Variants in TENM2 observed in about 807,000 individuals in gnomAD.
The protein encoded by TENM2 is teneurin-2.
In TENM2, 52 loss-of-function variants were observed where a neutral mutation model predicts 245.2. The observed-to-expected ratio is 0.21, with a 90% confidence interval of 0.17 to 0.27. TENM2 has a LOEUF of 0.27. Ranked by LOEUF, TENM2 falls within the 10% of genes least tolerant of loss-of-function variation. The pLI, the probability that TENM2 is intolerant of heterozygous loss-of-function variation, is 1.00. For missense variants in TENM2, 3,046 were observed against 3,666.8 expected, an observed-to-expected ratio of 0.83 and a Z score of 4.37; for synonymous variants, 1,363 against 1,438.9, an observed-to-expected ratio of 0.95 and a Z score of 1.19.
Position 167,888,268 on chromosome 5 carries a change from G to A in TENM2, c.712+12073G>A, listed in dbSNP as rs151114998. Among the ~76,000 whole-genome samples, 43 of 152,220 alleles carry A rather than the reference G, an allele frequency of 2.8e-4. 1 individual carries two copies. In the East Asian group the frequency reaches 8.3e-3, roughly 29 times the overall value. ...CTCTATTATTGAACCCACCATGCTCGTTGACTGCATTCACCATTAGATTTA... is the reference window on the plus strand; with the variant it reads ...CTCTATTATTGAACCCACCATGCTCATTGACTGCATTCACCATTAGATTTA... On this transcript the variant is annotated intron_variant, in intron 3 of 28. Transcript: ENST00000518659.
chr5:167,614,693 C>T lies in TENM2; in HGVS notation c.502+239220C>T, dbSNP rs74912115. ...TCTGGTTGCATGAGGAAGAGAGAAG[C>T]ACATCAAAATGAGCAAGAATGTGTG... On this transcript the variant is annotated intron_variant, in intron 2 of 28. Transcript: ENST00000518659. Among the ~76,000 whole-genome samples, 1,340 of 152,124 alleles carry T rather than the reference C, an allele frequency of 8.8e-3. 18 individuals carry two copies. The highest frequency in any genetic ancestry group is 0.03 in the African/African-American group (1,254 of 41,510).
At chr5:167,728,487 A>G (rs943130613) in intron 2 of TENM2, among the ~76,000 whole-genome samples, 2 of 128,196 alleles carry the variant, frequency 1.6e-5, no homozygotes, top group East Asian at 3.2e-4. Context: ...GTGCGTGCCT[A>G]TGGTCCCAAC....
chr5:167,032,730 C>T, the TENM2 span, among the ~76,000 whole-genome samples: 3 of 152,164 alleles, frequency 2.0e-5, no homozygotes, highest in African/African-American at 4.8e-5. Flanking sequence ...CAGCAAGTTC[C>T]AACTACATTG....
intron 2 of TENM2, among the ~76,000 whole-genome samples, chr5:167,539,352 T>C (rs1772049443): frequency 6.6e-6 from 1 of 152,186 alleles, no homozygotes; most frequent in South Asian, 2.1e-4. Flanking sequence ...TAAGATGGCA[T>C]ATGGAGGTTT....
chr5:168,243,848 C>G (rs1002165471), intron 25 of TENM2, among the ~76,000 whole-genome samples: 3 of 152,160 alleles, frequency 2.0e-5, no homozygotes, highest in African/African-American at 7.2e-5. Flanking sequence ...CAGCCATGCC[C>G]AGGTCAATCA....
intron 2 of TENM2, among the ~76,000 whole-genome samples, chr5:167,869,239 A>G (rs1772600716): frequency 6.6e-6 from 1 of 152,234 alleles, no homozygotes; most frequent in African/African-American, 2.4e-5. Context: ...ACAATTACGT[A>G]TTACATCTGT....
intron 1 of TENM2, among the ~76,000 whole-genome samples, chr5:167,328,329 C>G (rs981261510): frequency 3.3e-5 from 5 of 150,532 alleles, no homozygotes; most frequent in African/African-American, 1.2e-4. Context: ...GACTCAGCCT[C>G]CTGAGTAGCT....
Position 167,735,162 on chromosome 5 carries a change from G to A in TENM2, c.503-140824G>A, listed in dbSNP as rs149559251. Among the ~76,000 whole-genome samples the A allele has an allele frequency of 3.4e-3, 518 of 152,224 alleles. 5 individuals carry two copies. The highest frequency in any genetic ancestry group is 0.012 in the African/African-American group (480 of 41,536). On this transcript the variant is annotated intron_variant, in intron 2 of 28. Transcript: ENST00000518659. ...TTGCAATTGTACTGTTATATGTCTG[G>A]CAGCCACATCCAGTGTCTGAAAATC...
chr5:166,982,943 G>C, the TENM2 span, among the ~76,000 whole-genome samples: 3 of 151,998 alleles, frequency 2.0e-5, no homozygotes, highest in Non-Finnish European at 2.9e-5. Flanking sequence ...TTTGCTGAGA[G>C]CAAATAGCAG....
intron 2 of TENM2, among the ~76,000 whole-genome samples, chr5:167,492,993 A>G (rs1768533690): frequency 6.6e-6 from 1 of 152,148 alleles, no homozygotes; most frequent in African/African-American, 2.4e-5. Context: ...GATGCATTTG[A>G]AGAATAGAGT....
At chr5:167,437,246 C>T (rs560832037) in intron 2 of TENM2, among the ~76,000 whole-genome samples, 66 of 152,262 alleles carry the variant, frequency 4.3e-4, no homozygotes, top group Middle Eastern at 3.4e-3. Flanking sequence ...GACCTGGATG[C>T]GAGACTTGGA....
chr5:167,379,213 C>T (rs1408693343), intron 2 of TENM2, among the ~76,000 whole-genome samples: 1 of 152,110 alleles, frequency 6.6e-6, no homozygotes, highest in African/African-American at 2.4e-5. Context: ...TGGCTCTGGG[C>T]ACGTAATGGA....
intron 2 of TENM2, among the ~76,000 whole-genome samples, chr5:167,623,385 A>T (rs897023935): frequency 2.6e-5 from 4 of 151,972 alleles, no homozygotes; most frequent in African/African-American, 4.8e-5. Context: ...ACACATAATA[A>T]TTTTTTTTAC....
At chr5:167,104,875 T>G in the TENM2 span, among the ~76,000 whole-genome samples, 44 of 152,312 alleles carry the variant, frequency 2.9e-4, 1 homozygote, top group South Asian at 7.5e-3. Context: ...AATAGGGTAT[T>G]TGACAACATG....
chr5:167,445,369 A>AGAGAGAGAGAGAGAGG (rs35699708), intron 2 of TENM2, among the ~76,000 whole-genome samples: 1 of 98,578 alleles, frequency 1.0e-5, no homozygotes, highest in Non-Finnish European at 1.9e-5. Context: ...AGAGAGAGAG[A>AGAGAGAGAGAGAGAGG]GTGTCAGGTG....
chr5:167,549,372 C>G (rs1384750102), intron 2 of TENM2, among the ~76,000 whole-genome samples: 1 of 151,994 alleles, frequency 6.6e-6, no homozygotes, highest in East Asian at 1.9e-4. Context: ...AATAAAATTA[C>G]AAAATCCAAG....
intron 3 of TENM2, among the ~76,000 whole-genome samples, chr5:167,914,940 A>G (rs1176312388): frequency 6.6e-6 from 1 of 152,146 alleles, no homozygotes; most frequent in Non-Finnish European, 1.5e-5. Context: ...TTCACTAGTT[A>G]CATCTGCAAT....
intron 2 of TENM2, among the ~76,000 whole-genome samples, chr5:167,666,339 C>A (rs1307388955): frequency 6.6e-6 from 1 of 152,160 alleles, no homozygotes; most frequent in East Asian, 1.9e-4. Context: ...ACAGTCTCAA[C>A]CCCAAACGAA....
the TENM2 span, among the ~76,000 whole-genome samples, chr5:167,041,260 C>T: frequency 2.0e-5 from 3 of 152,130 alleles, no homozygotes; most frequent in African/African-American, 7.2e-5. Flanking sequence ...AGAAATAATA[C>T]CTAAGGAATG....
Sources: gnomAD v4.1 joint callset for allele counts (sites outside exome capture counted in the v4.1 genomes callset) on GRCh38, gnomAD v4.1.1 for gene constraint, MANE v1.5 for transcripts, NCBI Gene and HGNC (gene_info 2026-07-23, HGNC 2026-07-21) for gene names.